Variants in PRKCQ observed in about 807,000 individuals in gnomAD.
PRKCQ encodes the protein protein kinase C theta.
In PRKCQ, 41 loss-of-function variants were observed where a neutral mutation model predicts 91.2. That is an observed-to-expected ratio of 0.45 (90% CI 0.35 to 0.58). The LOEUF is 0.58. PRKCQ is among the 20% of genes least tolerant of loss of function. The probability of loss-of-function intolerance (pLI) is 0.00; values close to 1 mark genes in which losing one functional copy is unlikely to be tolerated. For missense variants in PRKCQ, 673 were observed against 896.5 expected, an observed-to-expected ratio of 0.75 and a Z score of 3.18; for synonymous variants, 307 against 316.9, an observed-to-expected ratio of 0.97 and a Z score of 0.33.
chr10:6,535,412 A>G (rs1839543877), intron 1 of PRKCQ, among the ~76,000 whole-genome samples: 1 of 152,218 alleles, frequency 6.6e-6, no homozygotes, highest in South Asian at 2.1e-4. Flanking sequence ...GTGAGGGAAT[A>G]TACATTTTTT....
chr10:6,447,645 G>A (rs1050186615), intron 15 of PRKCQ, among the ~76,000 whole-genome samples: 2 of 152,240 alleles, frequency 1.3e-5, no homozygotes, highest in Admixed American at 6.5e-5. Flanking sequence ...ACTCTGCTAC[G>A]AAATGCATGA....
intron 1 of PRKCQ, among the ~76,000 whole-genome samples, chr10:6,523,438 A>G (rs1276867414): frequency 1.3e-5 from 2 of 152,184 alleles, no homozygotes; most frequent in African/African-American, 2.4e-5. Context: ...GCGACAAAGC[A>G]AGACCCTTTT....
rs201131570 is a variant in PRKCQ at position 6,511,055 on chromosome 10, G to T, written c.258C>A (p.Thr86=). 1 of 1,613,966 alleles carries T rather than the reference G, an allele frequency of 6.2e-7. No individual in the cohort carries two copies. Among genetic ancestry groups the T allele is most frequent in the South Asian group, 1.1e-5 (1 of 91,078 alleles). The part of the protein sequence containing the change: ...GKNVDLISET[T]VELYSLAERC... ...TCTCAGCCAGCGAGTAGAGCTCCAC[G>T]GTGGTTTCAGAGATGAGGTCCACGT... The change falls in exon 3 of 18, where the codon ACC becomes ACA. Residue 86 remains threonine, a synonymous_variant. Coordinates refer to ENST00000263125, the MANE Select transcript of PRKCQ (RefSeq NM_006257.5).
intron 16 of PRKCQ, among the ~76,000 whole-genome samples, chr10:6,441,287 C>T (rs12221246): frequency 2.9e-4 from 44 of 152,110 alleles, no homozygotes; most frequent in African/African-American, 1.0e-3. Context: ...GGATCACAGG[C>T]GTGTGCCACT....
intron 13 of PRKCQ, 142 bp downstream of exon 13, chr10:6,464,171 A>G: frequency 1.3e-6 from 1 of 753,366 alleles, no homozygotes; most frequent in South Asian, 1.6e-5. Context: ...CAACCTGGGA[A>G]AACTGTCGCC....
At chr10:6,572,980 T>C (rs1841098144) in intron 1 of PRKCQ, among the ~76,000 whole-genome samples, 1 of 152,236 alleles carries the variant, frequency 6.6e-6, no homozygotes, top group African/African-American at 2.4e-5. Flanking sequence ...ATTTCTCTAA[T>C]GATCAGTGAT....
Position 6,428,126 on chromosome 10 carries a change from G to GA in PRKCQ, c.*80dup, listed in dbSNP as rs1833212692. On this transcript the variant is annotated 3_prime_UTR_variant, in exon 18 of 18. Coordinates refer to ENST00000263125, the MANE Select transcript of PRKCQ (RefSeq NM_006257.5). ...GAGTGTTTCTTTCTTTTTCCAAGTTGAAAAAGGAACCCAAGCAGTGTCTCT... is the reference window on the plus strand; with the variant it reads ...GAGTGTTTCTTTCTTTTTCCAAGTTGAAAAAAGGAACCCAAGCAGTGTCTCT... 1.3e-6 allele frequency: 2 copies of GA among 1,551,514 alleles called. No individual in the cohort carries two copies. Among genetic ancestry groups the GA allele is most frequent in the Admixed American group, 3.7e-5 (2 of 54,772 alleles).
At chr10:6,507,948 C>G (rs1322348219) in intron 3 of PRKCQ, among the ~76,000 whole-genome samples, 3 of 152,146 alleles carry the variant, frequency 2.0e-5, no homozygotes, top group African/African-American at 7.2e-5. Flanking sequence ...GTCTTCTTTT[C>G]TACCTGGGAT....
intron 4 of PRKCQ, among the ~76,000 whole-genome samples, chr10:6,505,307 G>A (rs1838132640): frequency 6.6e-6 from 1 of 152,150 alleles, no homozygotes; most frequent in Non-Finnish European, 1.5e-5. Flanking sequence ...AAGTTCCACA[G>A]GAATAGAAGG....
chr10:6,430,986 T>C lies in PRKCQ; in HGVS notation c.1837-48A>G, dbSNP rs370562364. The C allele has an allele frequency of 1.5e-4, 235 of 1,591,630 alleles. 1 individual carries two copies. In the African/African-American group the frequency reaches 2.7e-3, roughly 18 times the overall value. ...CCCTGAGGTCTCCAGGGATGACCCT[T>C]TTGCATCAGGAGGTCGTGGTGCTTC... On this transcript the variant is annotated intron_variant, in intron 16 of 17. Coordinates refer to ENST00000263125, the MANE Select transcript of PRKCQ (RefSeq NM_006257.5). The surrounding 1 kb of genome is among the most constrained non-coding windows in gnomAD (Gnocchi z 4.7).
At chr10:6,396,662 C>T in the PRKCQ span, among the ~76,000 whole-genome samples, 2 of 152,218 alleles carry the variant, frequency 1.3e-5, no homozygotes. Context: ...GAGTATGGCA[C>T]TACATTTGTC....
At chr10:6,471,447 AAGGAGGGAGAGT>A (rs1835963011) in intron 12 of PRKCQ, among the ~76,000 whole-genome samples, 1 of 152,282 alleles carries the variant, frequency 6.6e-6, no homozygotes, top group Admixed American at 6.5e-5. Context: ...CAAGGTTTCA[AAGGAGGGAGAGT>A]AGGCTGGGCA....
At chr10:6,490,571 A>AAC in intron 8 of PRKCQ, among the ~76,000 whole-genome samples, 1 of 144,998 alleles carries the variant, frequency 6.9e-6, no homozygotes, top group Non-Finnish European at 1.5e-5. Flanking sequence ...AAAAAAAAAA[A>AAC]AAAACAAAGA....
chr10:6,481,468 G>A (rs1246032554), intron 11 of PRKCQ, among the ~76,000 whole-genome samples: 2 of 152,212 alleles, frequency 1.3e-5, no homozygotes, highest in Non-Finnish European at 2.9e-5. Context: ...AAGACTGGCT[G>A]TAACATTGCC....
chr10:6,521,290 T>TC (rs755290530), intron 1 of PRKCQ, among the ~76,000 whole-genome samples: 2 of 152,212 alleles, frequency 1.3e-5, no homozygotes, highest in Non-Finnish European at 2.9e-5. Flanking sequence ...AATCTCTTCA[T>TC]CTCATGCATT....
At chr10:6,486,275 G>A (rs1836916489) in intron 8 of PRKCQ, 131 bp from the exon 9 acceptor site, 1 of 731,526 alleles carries the variant, frequency 1.4e-6, no homozygotes, top group South Asian at 1.5e-5. Context: ...GGAGGAAGTT[G>A]ACCCTGGCTC....
At chr10:6,490,753 G>A (rs1013126492) in intron 8 of PRKCQ, among the ~76,000 whole-genome samples, 1 of 151,814 alleles carries the variant, frequency 6.6e-6, no homozygotes, top group African/African-American at 2.4e-5. Flanking sequence ...CCCTGTCTCA[G>A]AAAAAAAGTA....
At chr10:6,489,552 G>T in intron 8 of PRKCQ, 1 of 478,688 alleles carries the variant, frequency 2.1e-6, no homozygotes, top group South Asian at 1.5e-5. Context: ...TGAAAGGGAG[G>T]CAGAGAGGGA....
rs1429074138 is a variant in PRKCQ at position 6,511,023 on chromosome 10, C to T, written c.290G>A (p.Arg97Lys). The T allele has an allele frequency of 2.5e-6, 4 of 1,614,110 alleles. No homozygotes were observed. The highest frequency in any genetic ancestry group is 3.4e-6 in the Non-Finnish European group (4 of 1,180,008). ...TATTTCTGTCTTCCCGTTGTTCTTC[C>T]TGCACCTCTCAGCCAGCGAGTAGAG... ...VELYSLAERC[R>K]KNNGKTEIWL... The change falls in exon 3 of 18, where the codon AGG becomes AAG. Residue 97 changes from arginine to lysine, a missense_variant. By Grantham distance (26) the Arg-to-Lys change is conservative. Transcript: ENST00000263125.
Sources: gnomAD v4.1 joint callset for allele counts (sites outside exome capture counted in the v4.1 genomes callset) on GRCh38, gnomAD v4.1.1 for gene constraint, Gnocchi (gnomAD v3.1) non-coding constraint, MANE v1.5 for transcripts, NCBI Gene and HGNC (gene_info 2026-07-23, HGNC 2026-07-21) for gene names.